The following ANKS1B variants were observed in gnomAD, a reference collection of about 807,000 sequenced individuals.
The protein encoded by ANKS1B is ankyrin repeat and sterile alpha motif domain-containing protein 1B.
ANKS1B carries 36 observed loss-of-function variants against 148.3 expected under a neutral mutation model. The ratio of observed to expected loss-of-function variants is 0.24; its 90% CI spans 0.19 to 0.32. The LOEUF (loss-of-function observed/expected upper bound fraction) is 0.32, where lower values mean the gene tolerates loss of function less well. Ranked by LOEUF, ANKS1B falls within the 10% of genes least tolerant of loss-of-function variation. ANKS1B has a pLI of 1.00. For missense variants in ANKS1B, 1,157 were observed against 1,542.6 expected (o/e 0.75, Z 4.19); for synonymous variants, 542 against 560.8 (o/e 0.97, Z 0.47).
chr12:99,010,896 C>A (rs1177320792), intron 17 of ANKS1B, among the ~76,000 whole-genome samples: 1 of 113,862 alleles, frequency 8.8e-6, no homozygotes, highest in Non-Finnish European at 1.7e-5. Context: ...CAGGTGTGAG[C>A]TTTTGTTTTT....
At chr12:98,743,872 T>TA (rs1194580926), downstream of ANKS1B, 1 of 535,976 alleles carries the variant, frequency 1.9e-6, no homozygotes, top group East Asian at 1.5e-4. Flanking sequence ...TTTTGCCAAT[T>TA]AAAAAAGTCC....
intron 9 of ANKS1B, among the ~76,000 whole-genome samples, chr12:99,540,909 G>T (rs1049283047): frequency 1.3e-5 from 2 of 151,420 alleles, no homozygotes; most frequent in African/African-American, 4.9e-5. Context: ...AAAAAAAAGA[G>T]AGAGAAGACT....
intron 8 of ANKS1B, among the ~76,000 whole-genome samples, chr12:99,709,230 A>G (rs1408717614): frequency 6.6e-6 from 1 of 152,176 alleles, no homozygotes; most frequent in Non-Finnish European, 1.5e-5. Flanking sequence ...GAACACTTAA[A>G]GAATTCTAAT....
At chr12:99,965,828 C>T (rs1187513081) in intron 1 of ANKS1B, among the ~76,000 whole-genome samples, 1 of 152,170 alleles carries the variant, frequency 6.6e-6, no homozygotes, top group Non-Finnish European at 1.5e-5. Flanking sequence ...ACAAGAATCG[C>T]TTGAACCCGG....
intron 7 of ANKS1B, 41 bp from the exon 8 acceptor site, chr12:99,773,129 T>C (rs775961255): frequency 6.5e-7 from 1 of 1,531,904 alleles, no homozygotes; most frequent in Non-Finnish European, 8.9e-7. Flanking sequence ...GAAAGGCTAT[T>C]GTTAAAACTT....
chr12:99,339,924 C>G (rs1225279480), intron 12 of ANKS1B, among the ~76,000 whole-genome samples: 1 of 152,034 alleles, frequency 6.6e-6, no homozygotes, highest in East Asian at 1.9e-4. Flanking sequence ...GGTTTCTATT[C>G]CATTTGAGGG....
intron 12 of ANKS1B, among the ~76,000 whole-genome samples, chr12:99,249,034 A>AT (rs895630071): frequency 1.4e-4 from 22 of 152,084 alleles, no homozygotes; most frequent in African/African-American, 4.6e-4. Context: ...GTTCCAATGC[A>AT]TTTTTTTTCT....
intron 11 of ANKS1B, among the ~76,000 whole-genome samples, chr12:99,430,049 G>GAAA (rs1243212957): frequency 7.3e-6 from 1 of 136,530 alleles, no homozygotes; most frequent in South Asian, 2.4e-4. Context: ...ATAGTTCCAG[G>GAAA]AAAAAAAAAA....
At chr12:99,009,477 T>C (rs1012973175) in intron 17 of ANKS1B, among the ~76,000 whole-genome samples, 1 of 152,230 alleles carries the variant, frequency 6.6e-6, no homozygotes, top group Non-Finnish European at 1.5e-5. Flanking sequence ...TTACGGTCCC[T>C]GCAGAATCAG....
chr12:99,513,118 T>C (rs892650711), intron 9 of ANKS1B, among the ~76,000 whole-genome samples: 13 of 151,788 alleles, frequency 8.6e-5, no homozygotes, highest in South Asian at 2.1e-4. Context: ...GATCAGTCAG[T>C]GGCCATTCAA....
chr12:99,495,814 A>G (rs1230017618), intron 10 of ANKS1B, among the ~76,000 whole-genome samples: 1 of 152,230 alleles, frequency 6.6e-6, no homozygotes, highest in Non-Finnish European at 1.5e-5. Flanking sequence ...GTCTGAATTC[A>G]TTTAATTTCA....
At chr12:99,470,091 C>T (rs958061415) in intron 10 of ANKS1B, among the ~76,000 whole-genome samples, 1 of 151,280 alleles carries the variant, frequency 6.6e-6, no homozygotes, top group Non-Finnish European at 1.5e-5. Flanking sequence ...TGCACTCCAG[C>T]CTAGGTAACA....
chr12:98,778,832 T>C (rs2098706150), intron 24 of ANKS1B, among the ~76,000 whole-genome samples: 1 of 152,116 alleles, frequency 6.6e-6, no homozygotes, highest in East Asian at 1.9e-4. Context: ...ATCTCTCTAC[T>C]TGGGCTCCCT....
At chr12:98,966,736 G>T (rs919514715) in intron 17 of ANKS1B, among the ~76,000 whole-genome samples, 1 of 152,106 alleles carries the variant, frequency 6.6e-6, no homozygotes, top group Non-Finnish European at 1.5e-5. Flanking sequence ...CATGTCCTTT[G>T]TAGGGACATA....
chr12:98,918,139 G>A (rs2099796890), intron 17 of ANKS1B, among the ~76,000 whole-genome samples: 1 of 152,348 alleles, frequency 6.6e-6, no homozygotes, highest in Non-Finnish European at 1.5e-5. Context: ...TGCATACGCA[G>A]CTGTGTTCTG....
chr12:99,495,063 A>G (rs2096590921), intron 10 of ANKS1B, among the ~76,000 whole-genome samples: 1 of 152,232 alleles, frequency 6.6e-6, no homozygotes, highest in African/African-American at 2.4e-5. Flanking sequence ...GCAATACAGA[A>G]CAAGAGTGGA....
Position 98,793,845 on chromosome 12 carries a change from A to C in ANKS1B, c.3342+5089T>G, listed in dbSNP as rs932745222. Among the ~76,000 whole-genome samples, 3 of 152,220 alleles carry C rather than the reference A, an allele frequency of 2.0e-5. No individual in the cohort carries two copies. The East Asian group carries it at 5.8e-4, about 29-fold the overall frequency. On this transcript the variant is annotated intron_variant, in intron 22 of 26. Transcript: ENST00000683438. Reference sequence around the variant, plus strand: ...GGGAAGTGATGCATTACTGTATATTAGTGAAAATTAAGCCCCAGGGCAAAA... The same window carrying C: ...GGGAAGTGATGCATTACTGTATATTCGTGAAAATTAAGCCCCAGGGCAAAA...
intron 12 of ANKS1B, among the ~76,000 whole-genome samples, chr12:99,382,820 C>T (rs2093697699): frequency 6.6e-6 from 1 of 151,766 alleles, no homozygotes; most frequent in Non-Finnish European, 1.5e-5. Context: ...ATTGTGCCCT[C>T]TGTTCCAACT....
At chr12:99,912,994 G>C (rs186539437) in intron 1 of ANKS1B, among the ~76,000 whole-genome samples, 29 of 151,972 alleles carry the variant, frequency 1.9e-4, no homozygotes, top group African/African-American at 6.8e-4. Context: ...CATCCTCTTC[G>C]TGATACCAAA....
Sources: gnomAD v4.1 joint callset for allele counts (sites outside exome capture counted in the v4.1 genomes callset) on GRCh38, gnomAD v4.1.1 for gene constraint, MANE v1.5 for transcripts, NCBI Gene and HGNC (gene_info 2026-07-23, HGNC 2026-07-21) for gene names.